ACP3: variants seen among roughly 807,000 people sequenced by gnomAD.
The protein encoded by ACP3 is prostatic acid phosphatase.
A neutral mutation model predicts 45.6 loss-of-function variants in ACP3; 38 were observed. The ratio of observed to expected loss-of-function variants is 0.83; its 90% confidence interval spans 0.64 to 1.09. The LOEUF (loss-of-function observed/expected upper bound fraction) is 1.09. ACP3 is among the 50% of genes least tolerant of loss of function. The pLI is 0.00. For missense variants in ACP3, 466 were observed against 463.2 expected, an observed-to-expected ratio of 1.01 and a Z score of -0.05; for synonymous variants, 162 against 164.7, an observed-to-expected ratio of 0.98 and a Z score of 0.13.
intron 6 of ACP3, among the ~76,000 whole-genome samples, chr3:132,344,598 A>T (rs1282151059): frequency 6.6e-6 from 1 of 152,220 alleles, no homozygotes; most frequent in Non-Finnish European, 1.5e-5. Flanking sequence ...TAACTCTGTC[A>T]GGTTCATAGA....
chr3:132,355,892 T>C (rs982893910), intron 9 of ACP3, among the ~76,000 whole-genome samples: 1 of 150,018 alleles, frequency 6.7e-6, no homozygotes, highest in African/African-American at 2.5e-5. Flanking sequence ...GGCTTGTTTA[T>C]AATGACAACC....
chr3:132,330,141 A>G (rs920830692), intron 2 of ACP3, among the ~76,000 whole-genome samples: 2 of 151,872 alleles, frequency 1.3e-5, no homozygotes, highest in African/African-American at 4.8e-5. Context: ...GCTGGTCTCA[A>G]ACTCCTGAGC....
At chr3:132,348,803 C>T (rs1056887772) in intron 7 of ACP3, among the ~76,000 whole-genome samples, 1 of 152,150 alleles carries the variant, frequency 6.6e-6, no homozygotes, top group African/African-American at 2.4e-5. Context: ...CCTTAATTAA[C>T]CCTTTTTTAT....
downstream of ACP3, among the ~76,000 whole-genome samples, chr3:132,363,522 C>G (rs1208697787): frequency 6.6e-6 from 1 of 152,202 alleles, no homozygotes; most frequent in Non-Finnish European, 1.5e-5. Context: ...CCTCTTCGTT[C>G]CCAGGGCCAC....
intron 2 of ACP3, among the ~76,000 whole-genome samples, chr3:132,330,865 G>A (rs1161138430): frequency 6.6e-6 from 1 of 152,190 alleles, no homozygotes; most frequent in African/African-American, 2.4e-5. Flanking sequence ...AAATGCAGAT[G>A]TCAGGGCCCC....
intron 8 of ACP3, among the ~76,000 whole-genome samples, chr3:132,350,966 T>G (rs1354308668): frequency 2.0e-5 from 3 of 152,136 alleles, no homozygotes; most frequent in Non-Finnish European, 4.4e-5. Context: ...GGAAAAGAAG[T>G]GAGCCAGGTT....
intron 7 of ACP3, among the ~76,000 whole-genome samples, chr3:132,348,123 T>C (rs1036132302): frequency 1.3e-5 from 2 of 152,188 alleles, no homozygotes; most frequent in South Asian, 4.1e-4. Context: ...CCACAAAGCC[T>C]AAGACATTTA....
Position 132,356,933 on chromosome 3 carries a change from GC to G in ACP3, c.*56del. 2 of 1,552,430 alleles carry G rather than the reference GC, an allele frequency of 1.3e-6. No individual in the cohort carries two copies. The highest frequency in any genetic ancestry group is 2.0e-5 in the Admixed American group (1 of 49,650). ...GCTGCCCTTTCTCAGGGCAGATGAT[GC>G]TTTGAGAACATACTTTGGCCATTAC... On this transcript the variant is annotated 3_prime_UTR_variant, in exon 10 of 10. Coordinates refer to ENST00000336375, the MANE Select transcript of ACP3 (RefSeq NM_001099.5).
intron 1 of ACP3, 129 bp downstream of exon 1, chr3:132,317,705 A>G (rs1937135343): frequency 1.9e-6 from 2 of 1,079,108 alleles, no homozygotes; most frequent in Non-Finnish European, 2.5e-6. Context: ...AAACTCAGAA[A>G]GTGAATAATC....
intron 2 of ACP3, among the ~76,000 whole-genome samples, chr3:132,328,904 G>A (rs1057502293): frequency 1.3e-5 from 2 of 152,164 alleles, no homozygotes; most frequent in Non-Finnish European, 2.9e-5. Context: ...AAATAGTCTT[G>A]TAATCAATAA....
At chr3:132,331,169 T>G (rs1029456301) in intron 2 of ACP3, among the ~76,000 whole-genome samples, 10 of 152,240 alleles carry the variant, frequency 6.6e-5, no homozygotes. Context: ...GTTCTAATTT[T>G]TTTATGAACC....
intron 1 of ACP3, among the ~76,000 whole-genome samples, chr3:132,328,008 T>C (rs1473046074): frequency 6.6e-6 from 1 of 152,132 alleles, no homozygotes; most frequent in East Asian, 1.9e-4. Context: ...GTTAGTGAAC[T>C]TAGAATAGTG....
intron 7 of ACP3, among the ~76,000 whole-genome samples, chr3:132,347,402 C>T (rs750709381): frequency 4.1e-4 from 63 of 152,302 alleles, no homozygotes; most frequent in Admixed American, 2.7e-3. Context: ...GTAATGTGGA[C>T]ACATCAGGGC....
chr3:132,344,776 T>C (rs981189384), intron 6 of ACP3, 151 bp from the exon 7 acceptor site: 9 of 809,320 alleles, frequency 1.1e-5, no homozygotes, highest in Middle Eastern at 3.6e-4. Context: ...TCAATACCAC[T>C]ACTTATCACA....
chr3:132,332,561 T>C (rs1050345310), intron 4 of ACP3: 1 of 538,304 alleles, frequency 1.9e-6, no homozygotes. Context: ...TGATCCACTT[T>C]GTTTTGCCAC....
At chr3:132,347,775 GC>G (rs1177137925) in intron 7 of ACP3, among the ~76,000 whole-genome samples, 1 of 151,542 alleles carries the variant, frequency 6.6e-6, no homozygotes, top group Non-Finnish European at 1.5e-5. Flanking sequence ...GAACTACTGT[GC>G]CCAGTCTAGA....
rs1386466175 is a variant in ACP3 at position 132,337,231 on chromosome 3, T to A, written c.457-225T>A. On this transcript the variant is annotated intron_variant, in intron 4 of 9. Coordinates refer to ENST00000336375, the MANE Select transcript of ACP3 (RefSeq NM_001099.5). ...AGTTATATTATGGCAAGTTTATGAA[T>A]GAAAAAAAAGGATTTTCAATTCTGA... 6.8e-5 allele frequency: 25 copies of A among 365,698 alleles called. 2 individuals carry two copies. Among genetic ancestry groups the A allele is most frequent in the Admixed American group, 2.5e-4 (5 of 20,350 alleles). 22.7% of individuals were successfully genotyped at this position (365,698 alleles called of 1,614,324 possible).
chr3:132,354,020 A>C (rs568071705), intron 9 of ACP3, among the ~76,000 whole-genome samples: 30 of 152,336 alleles, frequency 2.0e-4, no homozygotes, highest in Middle Eastern at 6.8e-3. Flanking sequence ...CTTGCTCTCA[A>C]ATATCTAGAG....
chr3:132,349,019 A>G (rs1937658003), intron 7 of ACP3, among the ~76,000 whole-genome samples: 2 of 151,982 alleles, frequency 1.3e-5, no homozygotes, highest in African/African-American at 4.8e-5. Context: ...ACACACCCTA[A>G]CACACCCTAC....
Sources: gnomAD v4.1 joint callset for allele counts (sites outside exome capture counted in the v4.1 genomes callset) on GRCh38, gnomAD v4.1.1 for gene constraint, MANE v1.5 for transcripts, NCBI Gene and HGNC (gene_info 2026-07-23, HGNC 2026-07-21) for gene names.